The following SLC45A2 variants were observed in gnomAD, a reference collection of about 807,000 sequenced individuals.
SLC45A2 encodes membrane-associated transporter protein.
SLC45A2 carries 36 observed loss-of-function variants against 45.5 expected under a neutral mutation model. The ratio of observed to expected loss-of-function variants is 0.79; its 90% CI spans 0.61 to 1.04. SLC45A2 has a LOEUF of 1.04. SLC45A2 is among the 50% of genes least tolerant of loss of function. The pLI, the probability that SLC45A2 is intolerant of heterozygous loss-of-function variation, is 0.00. For missense variants in SLC45A2, 719 were observed against 671.0 expected, an observed-to-expected ratio of 1.07 and a Z score of -0.79; for synonymous variants, 306 against 269.3, an observed-to-expected ratio of 1.14 and a Z score of -1.33.
rs753741271 is a variant in SLC45A2, at chr5:33,972,048, G to A, written c.563-8032C>T. The A allele has an allele frequency of 1.5e-5, 7 of 479,078 alleles. No homozygotes were observed. The Admixed American group carries it at 1.6e-4, about 11-fold the overall frequency. The allele number at this position is 479,078 out of a possible 1,614,324, so 29.7% of individuals were successfully genotyped here. On this transcript the variant is annotated intron_variant, in intron 2 of 6. Transcript: ENST00000296589. ...TGAGCCACCACACCTGGCCAGGACTGCAATTTCTTAAAGGTTGTATCTAGT... is the reference window on the plus strand; with the variant it reads ...TGAGCCACCACACCTGGCCAGGACTACAATTTCTTAAAGGTTGTATCTAGT...
intron 2 of SLC45A2, chr5:33,971,921 C>T (rs1752788761): frequency 2.7e-6 from 1 of 374,156 alleles, no homozygotes; most frequent in African/African-American, 2.1e-5. Context: ...GCTACCACAC[C>T]CAGTTACCCA....
At chr5:33,961,252 C>A (rs1388909309) in intron 3 of SLC45A2, among the ~76,000 whole-genome samples, 5 of 152,130 alleles carry the variant, frequency 3.3e-5, no homozygotes, top group East Asian at 1.9e-4. Context: ...AAACAAAAAA[C>A]CAACCAAAAA....
chr5:33,970,967 T>C, intron 2 of SLC45A2: 1 of 480,348 alleles, frequency 2.1e-6, no homozygotes. Flanking sequence ...ATTCAAAGAA[T>C]TTACCAAACC....
In SLC45A2 at chr5:33,963,868, G is replaced by T; in HGVS notation, c.711C>A (p.Ile237=). Residue 237 remains isoleucine (I), a synonymous_variant, in exon 3 of 7, where the codon ATC becomes ATA. Transcript: ENST00000296589. The part of the protein sequence containing the change: ...TLCFTVHLCS[I]SEAPLTEVAK... ...CAACCTCTGTAAGTGGGGCTTCAGAGATACTGCACAGATGAACAGTAAAAC... is the reference window on the plus strand; with the variant it reads ...CAACCTCTGTAAGTGGGGCTTCAGATATACTGCACAGATGAACAGTAAAAC... 1.2e-6 allele frequency: 2 copies of T among 1,614,160 alleles called. No individual in the cohort carries two copies. Among genetic ancestry groups the T allele is most frequent in the South Asian group, 1.1e-5 (1 of 91,078 alleles).
chr5:33,945,089 T>C (rs556393005), intron 6 of SLC45A2, among the ~76,000 whole-genome samples: 1 of 152,350 alleles, frequency 6.6e-6, no homozygotes, highest in Admixed American at 6.5e-5. Flanking sequence ...ATGGACATTA[T>C]TAGCATTTGA....
chr5:33,972,662 C>T (rs1379757620), intron 2 of SLC45A2: 1 of 153,012 alleles, frequency 6.5e-6, no homozygotes, highest in Non-Finnish European at 1.5e-5. Context: ...AAGACATTGG[C>T]TTAATGTGAA....
chr5:33,965,785 G>A (rs1437278115), intron 2 of SLC45A2, among the ~76,000 whole-genome samples: 3 of 152,198 alleles, frequency 2.0e-5, no homozygotes, highest in African/African-American at 7.2e-5. Flanking sequence ...GTCAAGCCAA[G>A]CAATCAACCA....
In SLC45A2 at chr5:33,975,074, G is replaced by A. The variant is rs181237114; in HGVS notation, c.562+7162C>T. ...GTCCTAAAAGAGGAAGATGTTTTAAGTTGTTTTTCTAGTTGGGGAAAGAAA... is the reference window on the plus strand; with the variant it reads ...GTCCTAAAAGAGGAAGATGTTTTAAATTGTTTTTCTAGTTGGGGAAAGAAA... On this transcript the variant is annotated intron_variant, in intron 2 of 6. Transcript: ENST00000296589. Among the ~76,000 whole-genome samples the A allele has an allele frequency of 3.0e-3, 461 of 151,428 alleles. 2 individuals carry two copies. Among genetic ancestry groups the A allele is most frequent in the African/African-American group, 0.011 (445 of 40,738 alleles).
chr5:33,954,192 A>C (rs552646461), intron 4 of SLC45A2, among the ~76,000 whole-genome samples, 169 bp downstream of exon 4: 1 of 152,290 alleles, frequency 6.6e-6, no homozygotes, highest in African/African-American at 2.4e-5. Context: ...CTAGTTGTCC[A>C]GGGTATAGTA....
chr5:33,960,761 T>A (rs901648046), intron 3 of SLC45A2, among the ~76,000 whole-genome samples: 1 of 152,128 alleles, frequency 6.6e-6, no homozygotes, highest in Non-Finnish European at 1.5e-5. Context: ...CCTATGGAAA[T>A]ACATTTTTTT....
intron 3 of SLC45A2, among the ~76,000 whole-genome samples, chr5:33,957,355 T>C (rs1752304349): frequency 2.6e-5 from 4 of 152,186 alleles, no homozygotes; most frequent in Admixed American, 2.6e-4. Context: ...ATATTTTTTA[T>C]ACTTCTTAAC....
intron 5 of SLC45A2, among the ~76,000 whole-genome samples, chr5:33,950,967 A>G (rs1752079594): frequency 6.6e-6 from 1 of 152,228 alleles, no homozygotes; most frequent in Non-Finnish European, 1.5e-5. Flanking sequence ...CATAAAGACA[A>G]TAGCAGAAAT....
At position 33,954,489 on chromosome 5, in the gene SLC45A2, T is replaced by A. The variant is rs553073635; in HGVS notation, c.904A>T (p.Thr302Ser). The A allele has an allele frequency of 2.7e-4, 437 of 1,613,972 alleles. 7 individuals carry two copies. The South Asian group carries it at 4.6e-3, about 17-fold the overall frequency. ...NHAEQTRRAM[T>S]LKSLLRALVN... is the part of the protein sequence containing the mutation. ...AGTGCTCTCAGCAGTGACTTTAATG[T>A]CATTGCCCTGCGAGTCTGAAATAAA... The change falls in exon 4 of 7, where the codon ACA becomes TCA. Residue 302 changes from threonine to serine, a missense_variant. Thr to Ser is a moderately conservative substitution (Grantham distance 58, BLOSUM62 1). Coordinates refer to ENST00000296589, the MANE Select transcript of SLC45A2 (RefSeq NM_016180.5).
intron 3 of SLC45A2, among the ~76,000 whole-genome samples, chr5:33,956,634 C>A (rs1752285882): frequency 6.6e-6 from 1 of 152,210 alleles, no homozygotes; most frequent in African/African-American, 2.4e-5. Flanking sequence ...TCATTCCTAT[C>A]ATCAAACAAG....
chr5:33,973,310 A>G (rs1579556040), intron 2 of SLC45A2, among the ~76,000 whole-genome samples: 1 of 152,124 alleles, frequency 6.6e-6, no homozygotes, highest in Non-Finnish European at 1.5e-5. Context: ...TGCATAAATC[A>G]CCCTTTTTAT....
At chr5:33,945,988 T>A in intron 6 of SLC45A2, 1 of 985,444 alleles carries the variant, frequency 1.0e-6, no homozygotes, top group Non-Finnish European at 1.2e-6. Flanking sequence ...AGTGTGCACT[T>A]TTGTGTATCA....
chr5:33,977,274 T>A (rs536917591), intron 2 of SLC45A2, among the ~76,000 whole-genome samples: 47 of 152,210 alleles, frequency 3.1e-4, no homozygotes, highest in Non-Finnish European at 6.6e-4. Flanking sequence ...GTTTACCTAG[T>A]CAGTGACATT....
intron 5 of SLC45A2, among the ~76,000 whole-genome samples, chr5:33,950,813 T>A (rs1362715437): frequency 6.6e-6 from 1 of 152,246 alleles, no homozygotes; most frequent in Non-Finnish European, 1.5e-5. Context: ...GAGCTCTTTA[T>A]AATTAGGAGA....
intron 4 of SLC45A2, among the ~76,000 whole-genome samples, chr5:33,953,781 C>G (rs945563854): frequency 1.9e-5 from 2 of 103,726 alleles, no homozygotes; most frequent in Non-Finnish European, 3.9e-5. Flanking sequence ...GATAAAGAGT[C>G]AAGACCCATC....
Sources: allele counts gnomAD v4.1 joint callset (sites outside exome capture counted in the v4.1 genomes callset), GRCh38; gene constraint gnomAD v4.1.1; transcripts MANE v1.5; gene names NCBI Gene and HGNC (gene_info 2026-07-23, HGNC 2026-07-21).